The following EXOSC10 variants were observed in gnomAD, a reference collection of about 807,000 sequenced individuals.
EXOSC10 encodes the protein exosome complex component 10.
EXOSC10 carries 94 observed loss-of-function variants against 126.6 expected under a neutral mutation model. That is an observed-to-expected ratio of 0.74 (90% CI 0.63 to 0.88). The LOEUF (loss-of-function observed/expected upper bound fraction) is 0.88, where lower values mean the gene tolerates loss of function less well. EXOSC10 is among the 40% of genes least tolerant of loss of function. The pLI is 0.00. For missense variants in EXOSC10, 1,041 were observed against 1,100.5 expected (o/e 0.95, Z 0.77); for synonymous variants, 395 against 400.8 (o/e 0.99, Z 0.17).
At chr1:11,079,346 C>A (rs1213677238) in intron 14 of EXOSC10, among the ~76,000 whole-genome samples, 21 of 145,668 alleles carry the variant, frequency 1.4e-4, no homozygotes, top group Non-Finnish European at 2.7e-4. Context: ...AAAAAACAAA[C>A]AAACAAAAAA....
At chr1:11,091,311 T>A in intron 4 of EXOSC10, 132 bp from the exon 5 acceptor site, 1 of 991,840 alleles carries the variant, frequency 1.0e-6, no homozygotes, top group Non-Finnish European at 1.5e-6. Flanking sequence ...TGTATGTGCA[T>A]GTAGAGGTCT....
chr1:11,083,562 CAAAAAAAAA>C (rs35412224), intron 9 of EXOSC10, among the ~76,000 whole-genome samples: 3 of 65,864 alleles, frequency 4.6e-5, no homozygotes, highest in Admixed American at 3.8e-4. Flanking sequence ...AACTCCGTCT[CAAAAAAAAA>C]AAAAAAAAAA....
At chr1:11,071,827 T>G in intron 20 of EXOSC10, 1 of 406,076 alleles carries the variant, frequency 2.5e-6, no homozygotes, top group Non-Finnish European at 4.5e-6. Context: ...ACTGCAGGTC[T>G]CGTCAATGTC....
At chr1:11,077,105 C>T (rs902121015) in intron 16 of EXOSC10, 157 bp from the exon 17 acceptor site, 1 of 640,228 alleles carries the variant, frequency 1.6e-6, no homozygotes, top group East Asian at 2.7e-5. Context: ...GATTCTCCTG[C>T]CTCTGCCTCC....
At chr1:11,069,393 G>A (rs1437900373) in intron 22 of EXOSC10, among the ~76,000 whole-genome samples, 166 bp downstream of exon 22, 1 of 152,114 alleles carries the variant, frequency 6.6e-6, no homozygotes, top group African/African-American at 2.4e-5. Flanking sequence ...TGAGGCTGCA[G>A]GCGACTGTCC....
At chr1:11,069,848 G>A (rs1344951938) in intron 21 of EXOSC10, 118 bp from the exon 22 acceptor site, 2 of 1,051,344 alleles carry the variant, frequency 1.9e-6, no homozygotes, top group Non-Finnish European at 2.8e-6. Flanking sequence ...AACAGTCAGT[G>A]GTGGGGAGAG....
intron 17 of EXOSC10, among the ~76,000 whole-genome samples, chr1:11,075,493 G>A (rs971136012): frequency 6.6e-5 from 10 of 152,106 alleles, no homozygotes; most frequent in Non-Finnish European, 8.8e-5. Flanking sequence ...CAGCACTTCC[G>A]TATCAAAGCA....
At chr1:11,075,728 G>A (rs2100965185) in intron 17 of EXOSC10, among the ~76,000 whole-genome samples, 1 of 152,104 alleles carries the variant, frequency 6.6e-6, no homozygotes, top group South Asian at 2.1e-4. Context: ...GCATACACCT[G>A]TAGTCCCAGC....
intron 19 of EXOSC10, among the ~76,000 whole-genome samples, chr1:11,073,251 G>GC (rs934058861): frequency 1.2e-4 from 18 of 152,168 alleles, no homozygotes; most frequent in Non-Finnish European, 5.9e-5. Flanking sequence ...TCCTGCCTCA[G>GC]CCCCCCGAGT....
intron 21 of EXOSC10, among the ~76,000 whole-genome samples, chr1:11,070,337 A>G (rs923971283): frequency 4.6e-4 from 69 of 151,000 alleles, no homozygotes; most frequent in African/African-American, 1.6e-3. Flanking sequence ...TGGGCAATAT[A>G]GTGAGACCCC....
intron 14 of EXOSC10, among the ~76,000 whole-genome samples, chr1:11,078,710 G>C (rs1639967833): frequency 6.6e-6 from 1 of 152,070 alleles, no homozygotes; most frequent in Non-Finnish European, 1.5e-5. Context: ...CTCATTCAGG[G>C]AGCTATCACT....
At chr1:11,079,261 G>A (rs1471161324) in intron 14 of EXOSC10, among the ~76,000 whole-genome samples, 1 of 151,006 alleles carries the variant, frequency 6.6e-6, no homozygotes, top group Non-Finnish European at 1.5e-5. Flanking sequence ...TCCAGGAGGC[G>A]GAGGTTGCAG....
intron 12 of EXOSC10, 22 bp from the exon 13 acceptor site, chr1:11,080,571 C>T: frequency 6.4e-6 from 5 of 778,438 alleles, no homozygotes; most frequent in Non-Finnish European, 8.9e-6. Flanking sequence ...AAAACACACA[C>T]ACACACACAC....
Position 11,080,877 on chromosome 1 carries a change from G to A in EXOSC10, c.1473C>T (p.Tyr491=). 1 of 1,612,128 alleles carries A rather than the reference G, an allele frequency of 6.2e-7. No homozygotes were observed. Residue 491 remains tyrosine (Y), a synonymous_variant, in exon 12 of 25, where the codon TAC becomes TAT. Coordinates refer to ENST00000376936, the MANE Select transcript of EXOSC10 (RefSeq NM_001001998.3). The part of the protein sequence containing the change: ...FIKPIFTDES[Y]LELYRKQKKH... The stretch of plus-strand genomic sequence containing the variant: ...TCTTCTGCTTCCTATAGAGTTCAAG[G>A]TAGGACTCATCCGTGAAGATAGGTT...
In EXOSC10 at chr1:11,068,266, AG is replaced by A. The variant is rs1408667403; in HGVS notation, c.2551-183del. On this transcript the variant is annotated intron_variant, in intron 23 of 24. Transcript: ENST00000376936. The stretch of plus-strand genomic sequence containing the variant: ...CGCCAGGATGCGCTGCAAGAGGAAC[AG>A]GAGCACCCCAAAGCAGCCCTGCCCC... 3.3e-5 allele frequency among the ~76,000 whole-genome samples: 5 copies of A among 152,176 alleles called. No individual in the cohort carries two copies. In the East Asian group the frequency reaches 5.8e-4, roughly 18 times the overall value.
At chr1:11,068,553 T>C (rs1639249004) in intron 23 of EXOSC10, 92 bp downstream of exon 23, 2 of 939,038 alleles carry the variant, frequency 2.1e-6, no homozygotes, top group South Asian at 1.3e-5. Flanking sequence ...TGCAAAGGAA[T>C]GGACTCCTGG....
Position 11,066,753 on chromosome 1 carries a change from A to G in EXOSC10, c.2628-5T>C, listed in dbSNP as rs758584743. 10 of 1,614,140 alleles carry G rather than the reference A, an allele frequency of 6.2e-6. 1 individual carries two copies. The South Asian group carries it at 8.8e-5, about 14-fold the overall frequency. ...GGCCAGTTGTACCTGAAGCCTCTGC[A>G]GAGAGTACAAAAACAACAGTTATTT... On this transcript the variant is annotated splice_polypyrimidine_tract_variant and splice_region_variant and intron_variant, in intron 24 of 24. Coordinates refer to ENST00000376936, the MANE Select transcript of EXOSC10 (RefSeq NM_001001998.3).
rs1639894225 is a variant in EXOSC10 at position 11,077,630 on chromosome 1, T to C, written c.1771A>G (p.Lys591Glu). The change falls in exon 15 of 25, where the codon AAG (lysine) becomes GAG (glutamate). Residue 591 changes from lysine (K) to glutamate (E), a missense_variant. By Grantham distance (56) the Lys-to-Glu change is moderately conservative (BLOSUM62 1). This residue lies in a region of EXOSC10 where 388 missense variants were observed against 415.2 expected (regional missense o/e 0.93). Transcript: ENST00000376936. The part of the protein sequence containing the change: ...LLKSEVAAGV[K>E]KSGPLPSAER... The stretch of plus-strand genomic sequence containing the variant: ...GCACTGGGCAGCGGTCCGCTCTTCT[T>C]CACTCCGGCTGCAACTTCAGACTAA... 3.1e-6 allele frequency: 5 copies of C among 1,611,448 alleles called. No homozygotes were observed. Among genetic ancestry groups the C allele is most frequent in the Non-Finnish European group, 4.2e-6 (5 of 1,177,892 alleles).
chr1:11,083,562 CAAAAAAAAAAA>C (rs35412224), intron 9 of EXOSC10, among the ~76,000 whole-genome samples: 4 of 65,898 alleles, frequency 6.1e-5, no homozygotes, highest in Non-Finnish European at 1.1e-4. Context: ...AACTCCGTCT[CAAAAAAAAAAA>C]AAAAAAAAAA....
Sources: gnomAD v4.1 joint callset for allele counts (sites outside exome capture counted in the v4.1 genomes callset) on GRCh38, gnomAD v4.1.1 for gene constraint, gnomAD v4.1.1 regional missense constraint, MANE v1.5 for transcripts, NCBI Gene and HGNC (gene_info 2026-07-23, HGNC 2026-07-21) for gene names.